RUNDC3A: variants seen among roughly 807,000 people sequenced by gnomAD.
The protein encoded by RUNDC3A is RUN domain-containing protein 3A.
Under a neutral mutation model 53.9 loss-of-function variants are expected in RUNDC3A, and 28 were observed. The observed-to-expected ratio is 0.52, with a 90% CI of 0.38 to 0.71. The LOEUF is 0.71. RUNDC3A is among the 30% of genes least tolerant of loss of function. The pLI is 0.00. For synonymous variants in RUNDC3A, 232 were observed against 249.4 expected (o/e 0.93, Z 0.66); for missense variants, 491 against 597.3 (o/e 0.82, Z 1.85).
Position 44,314,806 on chromosome 17 carries a change from T to G in RUNDC3A, c.530T>G (p.Leu177Arg). ...ATCCTCACCGGAATGCTGATCGGAC[T>G]GAGCGCCATCGACTTCAGGTGGGGT... ...ATILTGMLIG[L>R]SAIDFSFCLK... is the part of the protein sequence containing the mutation. The change falls in exon 5 of 11, where the codon CTG (leucine) becomes CGG (arginine). Residue 177 changes from leucine (L) to arginine (R), a missense_variant. Physicochemically the swap from Leu to Arg is moderately radical, Grantham distance 102. This residue lies in a region of RUNDC3A where 273 missense variants were observed against 389.0 expected (regional missense o/e 0.70). Transcript: ENST00000426726. The G allele has an allele frequency of 6.2e-7, 1 of 1,613,800 alleles. No homozygotes were observed.
chr17:44,313,380 C>CCTCTGTGT (rs749103101), intron 3 of RUNDC3A, 38 bp from the exon 4 acceptor site: 2 of 1,613,280 alleles, frequency 1.2e-6, no homozygotes, highest in Admixed American at 3.3e-5. Context: ...CACATGAGTC[C>CCTCTGTGT]CTCTGGGGCA....
chr17:44,317,146 T>C, intron 10 of RUNDC3A: 2 of 461,552 alleles, frequency 4.3e-6, no homozygotes. Context: ...GTGCCCGGCC[T>C]CTCTCAGCCT....
chr17:44,310,609 A>G lies in RUNDC3A; in HGVS notation c.107+1670A>G, dbSNP rs1045722038. 2.7e-4 allele frequency: 203 copies of G among 744,442 alleles called. 1 individual carries two copies. The highest frequency in any genetic ancestry group is 6.7e-4 in the Middle Eastern group (1 of 1,484). The allele number at this position is 744,442 out of a possible 1,614,324, so 46.1% of individuals were successfully genotyped here. A position where few individuals can be genotyped will look rare whatever the true frequency, so the allele number is the denominator to read the frequency against. On this transcript the variant is annotated intron_variant, in intron 1 of 10. Transcript: ENST00000426726. The stretch of plus-strand genomic sequence containing the variant: ...CATCACTGTCACATGGTTTGCCTCC[A>G]GCTCCCAGAACAGCTCCCTTTAGCA...
intron 10 of RUNDC3A, chr17:44,317,779 G>A: frequency 1.7e-6 from 1 of 600,678 alleles, no homozygotes; most frequent in Non-Finnish European, 3.0e-6. Context: ...CAGGGACCGT[G>A]TCTTGTCCGT....
chr17:44,310,196 C>T (rs897615015), intron 1 of RUNDC3A, among the ~76,000 whole-genome samples: 2 of 152,260 alleles, frequency 1.3e-5, no homozygotes, highest in Non-Finnish European at 2.9e-5. Flanking sequence ...GCTTTAGCTG[C>T]GCCACCTTGG....
At chr17:44,313,768 G>A (rs1356105132) in intron 4 of RUNDC3A, 93 of 1,049,500 alleles carry the variant, frequency 8.9e-5, no homozygotes, top group Middle Eastern at 3.8e-4. Context: ...TGCAACCTCC[G>A]CCTCCTGGGT....
At chr17:44,312,962 G>C (rs761918975) in intron 2 of RUNDC3A, 142 bp from the exon 3 acceptor site, 161 of 868,986 alleles carry the variant, frequency 1.9e-4, no homozygotes, top group Non-Finnish European at 2.6e-4. Context: ...CGATATGCTG[G>C]GGTGCCCACT....
rs1208961425 is a variant in RUNDC3A, at chr17:44,314,730, C to T, written c.459-5C>T. 1.9e-6 allele frequency: 3 copies of T among 1,611,800 alleles called. No homozygotes were observed. The highest frequency in any genetic ancestry group is 2.5e-6 in the Non-Finnish European group (3 of 1,179,548). ...TGCATCCTCTGGCCCTCTGCCTCCC[C>T]ACAGACGGTTCTATGACTCTGGAGC... is the stretch of plus-strand genomic sequence containing the variant. On this transcript the variant is annotated splice_polypyrimidine_tract_variant and splice_region_variant and intron_variant, in intron 4 of 10. Transcript: ENST00000426726.
chr17:44,318,237 G>A lies in RUNDC3A; in HGVS notation c.1340G>A (p.Ter447=), dbSNP rs567824337. The change falls in exon 11 of 11, where the codon TGA becomes TAA. Residue 447 remains the stop codon, a stop_retained_variant. Coordinates refer to ENST00000426726, the MANE Select transcript of RUNDC3A (RefSeq NM_001144825.2). ...GGCAGCCCAGCACTGAGCCCCAGCT[G>A]AGGAACAGCATGGGCAGTGCCAGCC... The part of the protein sequence containing the change: ...PEGSPALSPS[*] 1.3e-4 allele frequency: 195 copies of A among 1,549,978 alleles called. 8 individuals carry two copies. The South Asian group carries it at 2.2e-3, about 18-fold the overall frequency.
Position 44,315,664 on chromosome 17 carries a change from G to T in RUNDC3A, c.953+55G>T. The T allele has an allele frequency of 7.7e-7, 1 of 1,302,580 alleles. No individual in the cohort carries two copies. Among genetic ancestry groups the T allele is most frequent in the South Asian group, 1.9e-5 (1 of 53,260 alleles). The allele number at this position is 1,302,580 out of a possible 1,614,324, so 80.7% of individuals were successfully genotyped here. ...CCCCCGCCGCCCCGACCACATCACC[G>T]GGTGAACCCCATCTTCACTTCCATC... On this transcript the variant is annotated intron_variant, in intron 8 of 10. Coordinates refer to ENST00000426726, the MANE Select transcript of RUNDC3A (RefSeq NM_001144825.2). This position sits in a 1 kb window ranked among gnomAD's most constrained non-coding sequence, Gnocchi z 6.1.
At position 44,314,606 on chromosome 17, in the gene RUNDC3A, G is replaced by C; in HGVS notation, c.459-129G>C. ...AGGGGGAGAGAGGCTCCAGGCCTGC[G>C]TGCAGATCAGGAAGGAGAATTGGCC... On this transcript the variant is annotated intron_variant, in intron 4 of 10. Coordinates refer to ENST00000426726, the MANE Select transcript of RUNDC3A (RefSeq NM_001144825.2). 2.7e-6 allele frequency: 4 copies of C among 1,473,340 alleles called. No individual in the cohort carries two copies. The South Asian group carries it at 5.4e-5, about 20-fold the overall frequency. 91.3% of individuals were successfully genotyped at this position (1,473,340 alleles called of 1,614,324 possible).
At position 44,308,681 on chromosome 17, in the gene RUNDC3A, G is replaced by T. The variant is rs1031795772; in HGVS notation, c.-152G>T. On this transcript the variant is annotated 5_prime_UTR_variant, in exon 1 of 11. Transcript: ENST00000426726. ...CGCCGCCGGGGGAGGGAGCGAGGGG[G>T]CCGGGCACCGGGCGCAAAGGCAGGG... The T allele has an allele frequency of 3.8e-5, 18 of 475,912 alleles. No individual in the cohort carries two copies. Among genetic ancestry groups the T allele is most frequent in the Non-Finnish European group, 5.5e-5 (15 of 271,744 alleles). 29.5% of individuals were successfully genotyped at this position (475,912 alleles called of 1,614,324 possible). A position where few individuals can be genotyped will look rare whatever the true frequency, so the allele number is the denominator to read the frequency against.
Position 44,315,436 on chromosome 17 carries a change from A to T in RUNDC3A, c.796-16A>T. On this transcript the variant is annotated splice_polypyrimidine_tract_variant and intron_variant, in intron 7 of 10. Coordinates refer to ENST00000426726, the MANE Select transcript of RUNDC3A (RefSeq NM_001144825.2). The surrounding 1 kb of genome is among the most constrained non-coding windows in gnomAD (Gnocchi z 6.1). The stretch of plus-strand genomic sequence containing the variant: ...GACGTCCTCCCAGCCGCCCGGGCTG[A>T]GCCGGCGCCCCGCAGGGCTACCTGG... The T allele has an allele frequency of 7.0e-7, 1 of 1,433,360 alleles. No homozygotes were observed. The highest frequency in any genetic ancestry group is 9.2e-7 in the Non-Finnish European group (1 of 1,090,894). The allele number at this position is 1,433,360 out of a possible 1,614,324, so 88.8% of individuals were successfully genotyped here.
rs749811688 is a variant in RUNDC3A at position 44,315,141 on chromosome 17, C to T, written c.630-14C>T. 2 of 1,582,218 alleles carry T rather than the reference C, an allele frequency of 1.3e-6. No homozygotes were observed. Among genetic ancestry groups the T allele is most frequent in the Non-Finnish European group, 1.7e-6 (2 of 1,163,646 alleles). Reference sequence around the variant, plus strand: ...GGGGCGGGACCGGCCGTGCCCACTGCTCCCTCTCCCAAGCTACGACTACCT... The same window carrying T: ...GGGGCGGGACCGGCCGTGCCCACTGTTCCCTCTCCCAAGCTACGACTACCT... On this transcript the variant is annotated splice_polypyrimidine_tract_variant and intron_variant, in intron 6 of 10. Transcript: ENST00000426726. This position sits in a 1 kb window ranked among gnomAD's most constrained non-coding sequence, Gnocchi z 6.1.
chr17:44,311,322 G>A, intron 1 of RUNDC3A: 1 of 985,570 alleles, frequency 1.0e-6, no homozygotes, highest in Non-Finnish European at 1.2e-6. Flanking sequence ...CATCACAACA[G>A]CTGCCAGGAG....
intron 10 of RUNDC3A, chr17:44,317,070 T>G: frequency 2.6e-6 from 1 of 380,250 alleles, no homozygotes; most frequent in East Asian, 4.9e-5. Context: ...GGTCTCGAAC[T>G]CCTGACCTCA....
At chr17:44,309,429 G>T in intron 1 of RUNDC3A, among the ~76,000 whole-genome samples, 1 of 152,188 alleles carries the variant, frequency 6.6e-6, no homozygotes, top group Non-Finnish European at 1.5e-5. Context: ...CAGAGCCCAT[G>T]AATCCTTCCA....
At chr17:44,313,033 T>C in intron 2 of RUNDC3A, 71 bp from the exon 3 acceptor site, 1 of 1,535,246 alleles carries the variant, frequency 6.5e-7, no homozygotes, top group Non-Finnish European at 8.9e-7. Context: ...CTTATGCATG[T>C]GAGTGCCTCA....
chr17:44,310,932 GCTC>G (rs1386935696), intron 1 of RUNDC3A: 1 of 985,350 alleles, frequency 1.0e-6, no homozygotes, highest in East Asian at 1.1e-4. Context: ...CCACGACCCC[GCTC>G]CTCACCATCC....
Sources: allele counts gnomAD v4.1 joint callset (sites outside exome capture counted in the v4.1 genomes callset), GRCh38; gene constraint gnomAD v4.1.1; regional missense constraint gnomAD v4.1.1; non-coding constraint Gnocchi (gnomAD v3.1); transcripts MANE v1.5; gene names NCBI Gene and HGNC (gene_info 2026-07-23, HGNC 2026-07-21).